The following ENTREP3 variants were observed in gnomAD, a reference collection of about 807,000 sequenced individuals.
ENTREP3 encodes the protein protein ENTREP3.
At chr1:155,253,915 G>C in the ENTREP3 span, 1 of 1,612,668 alleles carries the variant, frequency 6.2e-7, no homozygotes, top group Non-Finnish European at 8.5e-7. Flanking sequence ...TTCAGTTCCT[G>C]CCCCGACTCT....
the ENTREP3 span, chr1:155,252,716 A>ATTTTTTTTTTTTTTTTTTTT: frequency 2.2e-5 from 1 of 45,242 alleles, no homozygotes; most frequent in African/African-American, 1.4e-4. Context: ...ATATATATAT[A>ATTTTTTTTTTTTTTTTTTTT]TATATATTTT....
At chr1:155,249,684 C>T in the ENTREP3 span, among the ~76,000 whole-genome samples, 1 of 151,984 alleles carries the variant, frequency 6.6e-6, no homozygotes. Flanking sequence ...TTGAGACCAT[C>T]CTGGATAACA....
the ENTREP3 span, chr1:155,250,960 G>A: frequency 4.0e-6 from 5 of 1,237,992 alleles, no homozygotes; most frequent in East Asian, 1.3e-4. The surrounding 1 kb of genome is among the most constrained non-coding windows in gnomAD (Gnocchi z 5.4). Context: ...ATAAGTCCAG[G>A]GTTCCAAGTT....
chr1:155,248,557 AGAG>A, the ENTREP3 span: 1 of 1,246,648 alleles, frequency 8.0e-7, no homozygotes, highest in Non-Finnish European at 1.2e-6. Flanking sequence ...ACTCAAGCCC[AGAG>A]GAGCTTTCAC....
At chr1:155,249,416 A>T in the ENTREP3 span, among the ~76,000 whole-genome samples, 56,450 of 151,812 alleles carry the variant, frequency 0.37, 12,590 homozygotes, top group East Asian at 0.71. Flanking sequence ...ATACATGTTT[A>T]ACAAGTGACA....
the ENTREP3 span, chr1:155,254,967 T>C: frequency 9.9e-7 from 1 of 1,012,638 alleles, no homozygotes; most frequent in Non-Finnish European, 1.5e-6. This position sits in a 1 kb window ranked among gnomAD's most constrained non-coding sequence, Gnocchi z 4.4. Flanking sequence ...CTTTCTCCTC[T>C]CCACCCCACT....
the ENTREP3 span, chr1:155,255,095 C>A: frequency 6.7e-6 from 4 of 594,158 alleles, no homozygotes; most frequent in East Asian, 1.1e-4. This position sits in a 1 kb window ranked among gnomAD's most constrained non-coding sequence, Gnocchi z 5.6. Flanking sequence ...CTCCCCACCA[C>A]GGGCACTGGA....
chr1:155,250,073 A>G, the ENTREP3 span, among the ~76,000 whole-genome samples: 1 of 152,010 alleles, frequency 6.6e-6, no homozygotes. This position sits in a 1 kb window ranked among gnomAD's most constrained non-coding sequence, Gnocchi z 5.4. Flanking sequence ...AAAAAAAAAA[A>G]ATTCTCCTTT....
the ENTREP3 span, chr1:155,250,312 G>T: frequency 6.5e-7 from 1 of 1,548,062 alleles, no homozygotes; most frequent in African/African-American, 1.4e-5. This position sits in a 1 kb window ranked among gnomAD's most constrained non-coding sequence, Gnocchi z 5.4. Context: ...GGGTCGCTGT[G>T]GGACCGTGGC....
At chr1:155,250,413 G>T in the ENTREP3 span, 4 of 1,501,366 alleles carry the variant, frequency 2.7e-6, no homozygotes, top group Admixed American at 2.2e-5. This position sits in a 1 kb window ranked among gnomAD's most constrained non-coding sequence, Gnocchi z 5.4. Flanking sequence ...ACGAGTCGGG[G>T]CTCGGGTGGG....
the ENTREP3 span, chr1:155,253,811 G>A: frequency 6.2e-7 from 1 of 1,611,292 alleles, no homozygotes; most frequent in Non-Finnish European, 8.5e-7. Flanking sequence ...CCCCAGCAGG[G>A]GAGGCAAGAG....
At chr1:155,253,586 C>T in the ENTREP3 span, 1 of 1,458,784 alleles carries the variant, frequency 6.9e-7, no homozygotes, top group Non-Finnish European at 9.6e-7. Context: ...CCCCTGCCCC[C>T]ACCATACCTG....
the ENTREP3 span, chr1:155,247,861 A>G: frequency 6.6e-7 from 1 of 1,516,934 alleles, no homozygotes; most frequent in Non-Finnish European, 8.8e-7. Flanking sequence ...GCGGCCAGAC[A>G]GGAGACGCCG....
the ENTREP3 span, chr1:155,250,999 C>G: frequency 1.6e-4 from 212 of 1,341,198 alleles, no homozygotes; most frequent in African/African-American, 2.3e-3. The surrounding 1 kb of genome is among the most constrained non-coding windows in gnomAD (Gnocchi z 5.4). Context: ...CCCCAAACCA[C>G]CAACTCCGCC....
At chr1:155,253,696 C>A in the ENTREP3 span, 1 of 1,611,292 alleles carries the variant, frequency 6.2e-7, no homozygotes, top group Non-Finnish European at 8.5e-7. Context: ...ATTATAGCGG[C>A]ACAAATGGTG....
At chr1:155,255,113 C>A in the ENTREP3 span, 2 of 588,392 alleles carry the variant, frequency 3.4e-6, no homozygotes, top group African/African-American at 1.9e-5. The surrounding 1 kb of genome is among the most constrained non-coding windows in gnomAD (Gnocchi z 5.6). Context: ...GGACGGGCAC[C>A]GTGCCCGGGG....
chr1:155,250,972 C>G, the ENTREP3 span: 1 of 1,230,298 alleles, frequency 8.1e-7, no homozygotes, highest in Non-Finnish European at 1.1e-6. This position sits in a 1 kb window ranked among gnomAD's most constrained non-coding sequence, Gnocchi z 5.4. Context: ...TTCCAAGTTG[C>G]CACAGCCCTC....
the ENTREP3 span, chr1:155,252,641 A>T: frequency 1.5e-5 from 2 of 134,420 alleles, no homozygotes; most frequent in African/African-American, 5.6e-5. Flanking sequence ...AAGTGCTGGG[A>T]TTACAGGCAT....
chr1:155,247,306 A>C, the ENTREP3 span: 1 of 443,568 alleles, frequency 2.3e-6, no homozygotes, highest in Non-Finnish European at 4.5e-6. Context: ...GGAGCAGGCA[A>C]TTGGGGTTAC....
Sources: gnomAD v4.1 joint callset for allele counts (sites outside exome capture counted in the v4.1 genomes callset) on GRCh38, gnomAD v4.1.1 for gene constraint, Gnocchi (gnomAD v3.1) non-coding constraint, MANE v1.5 for transcripts, NCBI Gene and HGNC (gene_info 2026-07-23, HGNC 2026-07-21) for gene names.